The following SMG6 variants were observed in gnomAD, a reference collection of about 807,000 sequenced individuals.
SMG6 encodes the protein SMG6 nonsense mediated mRNA decay factor.
Under a neutral mutation model 142.2 loss-of-function variants are expected in SMG6, and 66 were observed. The observed-to-expected ratio is 0.46, with a 90% CI of 0.38 to 0.57. The LOEUF (loss-of-function observed/expected upper bound fraction) is 0.57, where lower values mean the gene tolerates loss of function less well. Among genes scored for constraint, SMG6 ranks in the 20% least tolerant of loss-of-function variants. The probability of loss-of-function intolerance (pLI) is 0.00; values close to 1 mark genes in which losing one functional copy is unlikely to be tolerated. For missense variants in SMG6, 1,793 were observed against 1,832.0 expected (o/e 0.98, Z 0.39); for synonymous variants, 779 against 702.4 (o/e 1.11, Z -1.72).
At position 2,068,889 on chromosome 17, in the gene SMG6, C is replaced by T. The variant is rs144810784; in HGVS notation, c.3724G>A (p.Glu1242Lys). Residue 1242 changes from glutamate to lysine, a missense_variant, in exon 16 of 19, where the codon GAA becomes AAA. This residue lies in a region of SMG6 where 17 missense variants were observed against 34.7 expected (regional missense o/e 0.49). Coordinates refer to ENST00000263073, the MANE Select transcript of SMG6 (RefSeq NM_017575.5). The surrounding 1 kb of genome is among the most constrained non-coding windows in gnomAD (Gnocchi z 6.7). ...GGTACGAGGAACAAAGGTCTGATTTCGAGCTCCATCTGCCTCATCTGACTG... is the reference window on the plus strand; with the variant it reads ...GGTACGAGGAACAAAGGTCTGATTTTGAGCTCCATCTGCCTCATCTGACTG... Reference protein sequence around the residue: ...DHSQMRQMELEIRPLFLVPDT... With the variant: ...DHSQMRQMELKIRPLFLVPDT... 1,755 of 1,614,106 alleles carry T rather than the reference C, an allele frequency of 1.1e-3. 12 individuals are homozygous for T. The highest frequency in any genetic ancestry group is 4.4e-4 in the Non-Finnish European group (515 of 1,180,038).
intron 10 of SMG6, among the ~76,000 whole-genome samples, chr17:2,213,219 G>A (rs1263773323): frequency 6.6e-6 from 1 of 152,254 alleles, no homozygotes; most frequent in Non-Finnish European, 1.5e-5. Flanking sequence ...CTGCTCTGCT[G>A]AGTGCCAAAG....
At position 2,292,720 on chromosome 17, in the gene SMG6, T is replaced by C; in HGVS notation, c.2259-90A>G. The C allele has an allele frequency of 4.0e-6, 6 of 1,516,940 alleles. 1 individual carries two copies. The highest frequency in any genetic ancestry group is 3.4e-5 in the South Asian group (3 of 88,478). The allele number at this position is 1,516,940 out of a possible 1,614,324, so 94.0% of individuals were successfully genotyped here. On this transcript the variant is annotated intron_variant, in intron 5 of 18. Transcript: ENST00000263073. ...TAGCCCTAATACTTAAAACATAAGG[T>C]AGAGTGTTAGATGTAACCCTGGAGG...
At chr17:2,231,745 T>C (rs2073502278) in intron 10 of SMG6, among the ~76,000 whole-genome samples, 1 of 120,808 alleles carries the variant, frequency 8.3e-6, no homozygotes, top group Non-Finnish European at 1.6e-5. Flanking sequence ...ATGAAAGGAA[T>C]GCCAGTCAGG....
At position 2,300,301 on chromosome 17, in the gene SMG6, C is replaced by A. The variant is rs374770804; in HGVS notation, c.452G>T (p.Arg151Leu). The A allele has an allele frequency of 6.2e-7, 1 of 1,614,120 alleles. No individual in the cohort carries two copies. The highest frequency in any genetic ancestry group is 8.5e-7 in the Non-Finnish European group (1 of 1,180,034). Residue 151 changes from arginine to leucine, a missense_variant, in exon 2 of 19, where the codon CGT (arginine) becomes CTT (leucine). Transcript: ENST00000263073. Reference protein sequence around the residue: ...PDLQIYQPGRRLQTVSKESAS... With the variant: ...PDLQIYQPGRLLQTVSKESAS... ...GGATTCTTTGCTAACAGTCTGCAAA[C>A]GTCGTCCAGGCTGATAGATCTGCAG...
At chr17:2,145,042 T>A (rs2070620062) in intron 13 of SMG6, among the ~76,000 whole-genome samples, 1 of 152,228 alleles carries the variant, frequency 6.6e-6, no homozygotes, top group Admixed American at 6.5e-5. Flanking sequence ...TCTTAAGATC[T>A]GCAGATTTCT....
chr17:2,091,854 GTTT>G (rs1425015251), intron 13 of SMG6, among the ~76,000 whole-genome samples: 5 of 116,636 alleles, frequency 4.3e-5, no homozygotes, highest in African/African-American at 1.2e-4. Context: ...GTGTGTGTGT[GTTT>G]TTTTTTAGTA....
chr17:2,111,622 T>C (rs2069322781), intron 13 of SMG6, among the ~76,000 whole-genome samples: 1 of 152,164 alleles, frequency 6.6e-6, no homozygotes, highest in African/African-American at 2.4e-5. Context: ...CAGACTGGCC[T>C]TGAACTCCTA....
At chr17:2,066,187 A>AG (rs1386898167) in intron 16 of SMG6, 1 of 167,256 alleles carries the variant, frequency 6.0e-6, no homozygotes, top group African/African-American at 2.4e-5. Flanking sequence ...CTCATTTGCA[A>AG]GGCCCTGGTA....
chr17:2,178,542 T>C (rs2071713954), intron 12 of SMG6, among the ~76,000 whole-genome samples: 1 of 152,180 alleles, frequency 6.6e-6, no homozygotes. Context: ...ACTGCAAGAA[T>C]ATAAACCTCT....
chr17:2,164,712 G>C (rs2071280445), intron 13 of SMG6, among the ~76,000 whole-genome samples: 1 of 151,924 alleles, frequency 6.6e-6, no homozygotes, highest in East Asian at 2.0e-4. Context: ...TGAGGCAGGT[G>C]GATCACCTGA....
intron 4 of SMG6, among the ~76,000 whole-genome samples, chr17:2,295,200 A>C (rs1050449088): frequency 1.3e-5 from 2 of 152,118 alleles, no homozygotes; most frequent in African/African-American, 4.8e-5. Flanking sequence ...CATCAGTAAG[A>C]AAGTGTGTAT....
At chr17:2,070,089 C>T (rs2068058958) in intron 15 of SMG6, among the ~76,000 whole-genome samples, 1 of 152,208 alleles carries the variant, frequency 6.6e-6, no homozygotes, top group Non-Finnish European at 1.5e-5. Context: ...GCACCTCTCA[C>T]CAAGCACGTG....
At chr17:2,302,656 T>A (rs563100586) in intron 1 of SMG6, among the ~76,000 whole-genome samples, 4 of 152,356 alleles carry the variant, frequency 2.6e-5, no homozygotes, top group Non-Finnish European at 5.9e-5. Context: ...ATTTACTGTT[T>A]GTAGGTGTAA....
At chr17:2,210,264 A>T (rs2072809416) in intron 10 of SMG6, among the ~76,000 whole-genome samples, 1 of 151,184 alleles carries the variant, frequency 6.6e-6, no homozygotes, top group South Asian at 2.1e-4. Flanking sequence ...GAGGGAGAGG[A>T]TGAACCGTTT....
chr17:2,068,725 G>A lies in SMG6; in HGVS notation c.3835+53C>T, dbSNP rs1174840340. The A allele has an allele frequency of 1.3e-6, 2 of 1,578,416 alleles. No homozygotes were observed. The highest frequency in any genetic ancestry group is 1.2e-5 in the South Asian group (1 of 86,330). ...GCCCCCAGGCCGTGGGGCGTGTGTG[G>A]AGGGGGCTGCTGTGCACATGCAAGG... On this transcript the variant is annotated intron_variant, in intron 16 of 18. Coordinates refer to ENST00000263073, the MANE Select transcript of SMG6 (RefSeq NM_017575.5). This position sits in a 1 kb window ranked among gnomAD's most constrained non-coding sequence, Gnocchi z 6.7.
At chr17:2,092,433 C>T (rs2068751687) in intron 13 of SMG6, among the ~76,000 whole-genome samples, 1 of 152,210 alleles carries the variant, frequency 6.6e-6, no homozygotes, top group Admixed American at 6.5e-5. Context: ...CAATGAGGGC[C>T]ATTATCAATC....
chr17:2,255,287 C>T (rs1214639837), intron 8 of SMG6, among the ~76,000 whole-genome samples: 1 of 149,848 alleles, frequency 6.7e-6, no homozygotes, highest in Non-Finnish European at 1.5e-5. Flanking sequence ...GCCTGTAGTC[C>T]CAGCTACTCG....
chr17:2,112,606 T>C (rs2151497127), intron 13 of SMG6, among the ~76,000 whole-genome samples: 1 of 150,810 alleles, frequency 6.6e-6, no homozygotes, highest in South Asian at 2.1e-4. Flanking sequence ...TGCATTTGAA[T>C]TGAAATGTAA....
At chr17:2,220,464 C>G (rs1331148086) in intron 10 of SMG6, among the ~76,000 whole-genome samples, 1 of 152,098 alleles carries the variant, frequency 6.6e-6, no homozygotes, top group East Asian at 1.9e-4. Flanking sequence ...GACCCTGTCT[C>G]CACAAAAAAT....
Sources: allele counts gnomAD v4.1 joint callset (sites outside exome capture counted in the v4.1 genomes callset), GRCh38; gene constraint gnomAD v4.1.1; regional missense constraint gnomAD v4.1.1; non-coding constraint Gnocchi (gnomAD v3.1); transcripts MANE v1.5; gene names NCBI Gene and HGNC (gene_info 2026-07-23, HGNC 2026-07-21).